Variants in SLC4A10 observed in about 807,000 individuals in gnomAD.
The protein encoded by SLC4A10 is solute carrier family 4 member 10.
In SLC4A10, 42 loss-of-function variants were observed where a neutral mutation model predicts 137.7. That is an observed-to-expected ratio of 0.30 (90% CI 0.24 to 0.39). The LOEUF (loss-of-function observed/expected upper bound fraction) is 0.39. Ranked by LOEUF, SLC4A10 falls within the 10% of genes least tolerant of loss-of-function variation. The pLI is 1.00. For missense variants in SLC4A10, 925 were observed against 1,355.0 expected (o/e 0.68, Z 4.98); for synonymous variants, 474 against 464.1 (o/e 1.02, Z -0.27).
At chr2:161,776,708 C>T (rs1440792087) in intron 2 of SLC4A10, among the ~76,000 whole-genome samples, 1 of 151,554 alleles carries the variant, frequency 6.6e-6, no homozygotes, top group African/African-American at 2.4e-5. Flanking sequence ...GAAGATATAC[C>T]CAGAAGTGGG....
At chr2:161,733,987 A>G (rs561703242) in intron 1 of SLC4A10, among the ~76,000 whole-genome samples, 1 of 152,314 alleles carries the variant, frequency 6.6e-6, no homozygotes, top group Admixed American at 6.5e-5. Context: ...GAACAGCTGT[A>G]TTTACCCAAT....
At chr2:161,976,538 G>A (rs1699407044) in intron 24 of SLC4A10, among the ~76,000 whole-genome samples, 1 of 152,168 alleles carries the variant, frequency 6.6e-6, no homozygotes, top group Admixed American at 6.5e-5. Context: ...GGATGGTGGT[G>A]ATGGTTGCAC....
intron 1 of SLC4A10, among the ~76,000 whole-genome samples, chr2:161,674,416 A>T (rs558799543): frequency 6.6e-6 from 1 of 152,238 alleles, no homozygotes; most frequent in Non-Finnish European, 1.5e-5. Flanking sequence ...CTAATGTATT[A>T]TAGCAGATGT....
chr2:161,708,663 C>G, intron 1 of SLC4A10: 1 of 1,487,658 alleles, frequency 6.7e-7, no homozygotes, highest in Non-Finnish European at 8.9e-7. Flanking sequence ...TACTGATGGA[C>G]AGATCTGTTG....
chr2:161,843,505 A>G (rs1031930789), intron 4 of SLC4A10, among the ~76,000 whole-genome samples: 4 of 152,160 alleles, frequency 2.6e-5, no homozygotes, highest in Admixed American at 1.3e-4. Flanking sequence ...TGAGCAATGG[A>G]AATAATAACA....
At chr2:161,662,410 T>C (rs573028533) in intron 1 of SLC4A10, among the ~76,000 whole-genome samples, 9 of 152,248 alleles carry the variant, frequency 5.9e-5, no homozygotes, top group African/African-American at 2.2e-4. Context: ...TTAAAAACTG[T>C]CTTCCAGTAA....
At chr2:161,748,473 G>A (rs1559161174) in intron 1 of SLC4A10, among the ~76,000 whole-genome samples, 1 of 137,404 alleles carries the variant, frequency 7.3e-6, no homozygotes, top group Admixed American at 7.2e-5. Context: ...TGTGTGTGTG[G>A]TGTAAGATAT....
chr2:161,966,415 C>G (rs1697591209), intron 23 of SLC4A10, among the ~76,000 whole-genome samples: 1 of 151,972 alleles, frequency 6.6e-6, no homozygotes, highest in Non-Finnish European at 1.5e-5. Context: ...ATTTATTTTT[C>G]TGTTTGATAT....
intron 1 of SLC4A10, among the ~76,000 whole-genome samples, chr2:161,692,340 A>G (rs1214988114): frequency 3.3e-5 from 5 of 152,040 alleles, no homozygotes; most frequent in African/African-American, 1.2e-4. Context: ...ACATTTTTCT[A>G]TGGGCTGAAA....
At chr2:161,783,116 A>C (rs1178797992) in intron 2 of SLC4A10, among the ~76,000 whole-genome samples, 1 of 152,062 alleles carries the variant, frequency 6.6e-6, no homozygotes, top group Non-Finnish European at 1.5e-5. Flanking sequence ...GGGAAATTTC[A>C]TAAGAGTATA....
chr2:161,659,083 A>G (rs145733339), intron 1 of SLC4A10, among the ~76,000 whole-genome samples: 8 of 152,310 alleles, frequency 5.3e-5, no homozygotes, highest in African/African-American at 1.9e-4. Context: ...AAATCATTAT[A>G]TAAAAAAGGT....
At chr2:161,847,578 T>G (rs950527834) in intron 4 of SLC4A10, among the ~76,000 whole-genome samples, 1 of 152,156 alleles carries the variant, frequency 6.6e-6, no homozygotes, top group Non-Finnish European at 1.5e-5. Context: ...TTCCCTTCTT[T>G]GTAGTCCATG....
intron 1 of SLC4A10, among the ~76,000 whole-genome samples, chr2:161,769,324 T>C (rs2051279835): frequency 2.0e-5 from 3 of 151,962 alleles, no homozygotes; most frequent in Admixed American, 6.6e-5. Context: ...CTGTATAAAT[T>C]GGAAACATCT....
intron 25 of SLC4A10, chr2:161,977,372 G>T (rs1015953828): frequency 4.8e-5 from 22 of 462,096 alleles, no homozygotes; most frequent in South Asian, 3.6e-4. Context: ...ACTCCTGAAA[G>T]TTCTATCCAT....
intron 1 of SLC4A10, among the ~76,000 whole-genome samples, chr2:161,754,939 C>T (rs1574784662): frequency 6.6e-6 from 1 of 152,186 alleles, no homozygotes; most frequent in East Asian, 1.9e-4. Flanking sequence ...TTTAGCCTGT[C>T]AAAAGCAGGC....
At chr2:161,865,765 A>C (rs1327221964) in intron 6 of SLC4A10, among the ~76,000 whole-genome samples, 2 of 151,978 alleles carry the variant, frequency 1.3e-5, no homozygotes, top group Non-Finnish European at 2.9e-5. Context: ...AGCCTGACAA[A>C]CTCTAGATAT....
intron 22 of SLC4A10, among the ~76,000 whole-genome samples, chr2:161,964,766 T>G (rs1282117501): frequency 1.3e-5 from 2 of 152,172 alleles, no homozygotes; most frequent in South Asian, 4.1e-4. Flanking sequence ...ATTAACTACA[T>G]GTATTTAAGG....
At chr2:161,880,121 T>C (rs1395276967) in intron 9 of SLC4A10, among the ~76,000 whole-genome samples, 1 of 152,154 alleles carries the variant, frequency 6.6e-6, no homozygotes, top group Non-Finnish European at 1.5e-5. Flanking sequence ...AAAATGCAGA[T>C]AGCCTTTTAC....
intron 10 of SLC4A10, among the ~76,000 whole-genome samples, chr2:161,891,804 G>A (rs191371809): frequency 1.9e-3 from 283 of 152,066 alleles, no homozygotes; most frequent in African/African-American, 6.3e-3. Flanking sequence ...CTGTCAATTC[G>A]TCAAACTCAT....
Sources: allele counts gnomAD v4.1 joint callset (sites outside exome capture counted in the v4.1 genomes callset), GRCh38; gene constraint gnomAD v4.1.1; transcripts MANE v1.5; gene names NCBI Gene and HGNC (gene_info 2026-07-23, HGNC 2026-07-21).